FURIN: variants seen among roughly 807,000 people sequenced by gnomAD.
FURIN encodes the protein furin, paired basic amino acid cleaving enzyme.
A neutral mutation model predicts 89.2 loss-of-function variants in FURIN; 18 were observed. The observed-to-expected ratio is 0.20, with a 90% confidence interval of 0.14 to 0.30. FURIN has a LOEUF of 0.30. Among genes scored for constraint, FURIN ranks in the 10% least tolerant of loss-of-function variants. FURIN has a pLI of 1.00. For missense variants in FURIN, 879 were observed against 1,100.5 expected, an observed-to-expected ratio of 0.80 and a Z score of 2.85; for synonymous variants, 508 against 466.4, an observed-to-expected ratio of 1.09 and a Z score of -1.15.
In FURIN at chr15:90,881,741, T is replaced by A. The variant is rs2031990385; in HGVS notation, c.2248T>A (p.Tyr750Asn). Residue 750 changes from tyrosine (Y) to asparagine (N), a missense_variant, in exon 16 of 16, where the codon TAC (tyrosine) becomes AAC (asparagine). Physicochemically the swap from Tyr to Asn is moderately radical, Grantham distance 143. Transcript: ENST00000268171. The surrounding 1 kb of genome is among the most constrained non-coding windows in gnomAD (Gnocchi z 4.3). ...SGFSFRGVKV[Y>N]TMDRGLISYK... is the part of the protein sequence containing the mutation. Reference sequence around the variant, plus strand: ...CTTTAGTTTTCGGGGGGTGAAGGTGTACACCATGGACCGTGGCCTCATCTC... The same window carrying A: ...CTTTAGTTTTCGGGGGGTGAAGGTGAACACCATGGACCGTGGCCTCATCTC... 1.2e-6 allele frequency: 2 copies of A among 1,608,848 alleles called. No individual in the cohort carries two copies. Among genetic ancestry groups the A allele is most frequent in the Non-Finnish European group, 1.7e-6 (2 of 1,177,512 alleles).
chr15:90,872,090 G>A (rs938111285), intron 1 of FURIN, among the ~76,000 whole-genome samples: 6 of 151,478 alleles, frequency 4.0e-5, no homozygotes, highest in African/African-American at 1.5e-4. Context: ...GCCGAGGAGG[G>A]CCTGCGTTCC....
rs982435562 is a variant in FURIN at position 90,882,177 on chromosome 15, G to C, written c.*299G>C. The stretch of plus-strand genomic sequence containing the variant: ...AGCCAGAGTTCCTGCGGAGTGAAGA[G>C]GGGCAGCCCTTGCTTGTTGGGATTC... On this transcript the variant is annotated 3_prime_UTR_variant, in exon 16 of 16. Coordinates refer to ENST00000268171, the MANE Select transcript of FURIN (RefSeq NM_002569.4). The C allele has an allele frequency of 5.2e-6, 2 of 387,874 alleles. No homozygotes were observed. Among genetic ancestry groups the C allele is most frequent in the East Asian group, 5.8e-5 (1 of 17,210 alleles). 24.0% of individuals were successfully genotyped at this position (387,874 alleles called of 1,614,324 possible). A position where few individuals can be genotyped will look rare whatever the true frequency, so the allele number is the denominator to read the frequency against.
Position 90,879,451 on chromosome 15 carries a change from C to G in FURIN, c.1061C>G (p.Thr354Ser), listed in dbSNP as rs1194492886. The G allele has an allele frequency of 1.2e-6, 2 of 1,611,930 alleles. No individual in the cohort carries two copies. Among genetic ancestry groups the G allele is most frequent in the East Asian group, 4.5e-5 (2 of 44,864 alleles). Reference protein sequence around the residue: ...GNQNEKQIVTTDLRQKCTESH... With the variant: ...GNQNEKQIVTSDLRQKCTESH... ...TGATTCTCTTCCTGGCAGGTGACGA[C>G]TGACTTGCGGCAGAAGTGCACGGAG... The change falls in exon 10 of 16, where the codon ACT becomes AGT. Residue 354 changes from threonine (T) to serine (S), a missense_variant. Thr to Ser is a moderately conservative substitution (Grantham distance 58, BLOSUM62 1). Transcript: ENST00000268171.
chr15:90,871,583 T>G (rs2151218538), intron 1 of FURIN: 1 of 2,798 alleles, frequency 3.6e-4, no homozygotes, highest in Non-Finnish European at 9.1e-4. Flanking sequence ...CCTGGAAAAG[T>G]TTCCCCGCCA....
chr15:90,880,209 C>G lies in FURIN; in HGVS notation c.1492C>G (p.Arg498Gly), dbSNP rs1375821051. Residue 498 changes from arginine to glycine, a missense_variant, in exon 13 of 16, where the codon CGT becomes GGT. Arg to Gly is a moderately radical substitution (Grantham distance 125, BLOSUM62 -2). Around this residue, in one of 5 missense-constraint regions of FURIN, gnomAD observed 457 missense variants for 490.7 expected, o/e 0.93. Coordinates refer to ENST00000268171, the MANE Select transcript of FURIN (RefSeq NM_002569.4). ...QARLTLSYNR[R>G]GDLAIHLVSP... ...GCGGCTCACCCTGTCCTATAATCGC[C>G]GTGGCGACCTGGCCATCCACCTGGT... 1 of 1,612,678 alleles carries G rather than the reference C, an allele frequency of 6.2e-7. No individual in the cohort carries two copies. Among genetic ancestry groups the G allele is most frequent in the Admixed American group, 1.7e-5 (1 of 59,988 alleles).
At chr15:90,880,618 T>C in intron 13 of FURIN, 73 bp from the exon 14 acceptor site, 2 of 1,513,944 alleles carry the variant, frequency 1.3e-6, no homozygotes, top group East Asian at 2.3e-5. Flanking sequence ...GTGTGGCCCA[T>C]GTGCTGTGGG....
intron 1 of FURIN, among the ~76,000 whole-genome samples, chr15:90,871,140 C>T (rs1157272604): frequency 6.6e-6 from 1 of 152,162 alleles, no homozygotes; most frequent in Non-Finnish European, 1.5e-5. Flanking sequence ...CGTCCCTGGG[C>T]ACTTAACCCG....
In FURIN at chr15:90,875,734, C is replaced by T. The variant is rs767671386; in HGVS notation, c.-7C>T. Reference sequence around the variant, plus strand: ...GCGCTCCAGGGTCCCAGCCACCTGTCCCCCCCATGGAGCTGAGGCCCTGGT... The same window carrying T: ...GCGCTCCAGGGTCCCAGCCACCTGTTCCCCCCATGGAGCTGAGGCCCTGGT... On this transcript the variant is annotated 5_prime_UTR_variant, in exon 2 of 16. Coordinates refer to ENST00000268171, the MANE Select transcript of FURIN (RefSeq NM_002569.4). The T allele has an allele frequency of 9.2e-6, 14 of 1,528,432 alleles. No homozygotes were observed. Among genetic ancestry groups the T allele is most frequent in the Middle Eastern group, 1.7e-4 (1 of 5,796 alleles). The allele number at this position is 1,528,432 out of a possible 1,614,324, so 94.7% of individuals were successfully genotyped here.
rs557056976 is a variant in FURIN, at chr15:90,868,629, C to A, written c.-242C>A. The A allele has an allele frequency of 1.3e-5, 2 of 152,242 alleles. No individual in the cohort carries two copies. Among genetic ancestry groups the A allele is most frequent in the African/African-American group, 4.8e-5 (2 of 41,446 alleles). The allele number at this position is 152,242 out of a possible 1,614,324, so 9.4% of individuals were successfully genotyped here. A position where few individuals can be genotyped will look rare whatever the true frequency, so the allele number is the denominator to read the frequency against. ...GCCCCGCCCTGTGAAGGGATAGGAG[C>A]CTGACTGTTGCAGCTGCAGTGAGTG... On this transcript the variant is annotated 5_prime_UTR_variant, in exon 1 of 16. Transcript: ENST00000268171.
Position 90,880,145 on chromosome 15 carries a change from C to T in FURIN, c.1428C>T (p.Gly476=), listed in dbSNP as rs764016682. The T allele has an allele frequency of 7.4e-6, 12 of 1,611,472 alleles. No homozygotes were observed. Among genetic ancestry groups the T allele is most frequent in the Admixed American group, 1.7e-5 (1 of 59,936 alleles). Residue 476 remains glycine (G), a synonymous_variant, in exon 13 of 16, where the codon GGC becomes GGT. Transcript: ENST00000268171. ...EVRKTVTACL[G]EPNHITRLEH... is the part of the protein sequence containing the mutation. ...GGAAGACCGTGACCGCGTGCCTGGG[C>T]GAGCCCAACCACATCACTCGGCTGG...
intron 13 of FURIN, 63 bp downstream of exon 13, chr15:90,880,336 CCTT>C: frequency 7.4e-7 from 1 of 1,358,044 alleles, no homozygotes; most frequent in Non-Finnish European, 1.0e-6. Flanking sequence ...CGCGTGCTTG[CCTT>C]TGCTCGCTCA....
rs199554506 is a variant in FURIN at position 90,881,834 on chromosome 15, C to A, written c.2341C>A (p.Arg781=). The change falls in exon 16 of 16, where the codon CGG becomes AGG. Residue 781 remains arginine (R), a synonymous_variant. Transcript: ENST00000268171. The surrounding 1 kb of genome is among the most constrained non-coding windows in gnomAD (Gnocchi z 4.3). ...CPSDSEEDEG[R]GERTAFIKDQ... Reference sequence around the variant, plus strand: ...GTCTGACTCAGAAGAGGACGAGGGCCGGGGCGAGAGGACCGCCTTTATCAA... The same window carrying A: ...GTCTGACTCAGAAGAGGACGAGGGCAGGGGCGAGAGGACCGCCTTTATCAA... The A allele has an allele frequency of 4.3e-6, 7 of 1,613,184 alleles. No homozygotes were observed. The East Asian group carries it at 1.6e-4, about 36-fold the overall frequency.
Position 90,879,527 on chromosome 15 carries a change from T to C in FURIN, c.1137T>C (p.Ala379=), listed in dbSNP as rs1465883458. The C allele has an allele frequency of 1.2e-6, 2 of 1,612,292 alleles. No homozygotes were observed. The highest frequency in any genetic ancestry group is 1.1e-5 in the South Asian group (1 of 91,040). ...CCCCCTTAGCAGCCGGCATCATTGC[T>C]CTCACCCTGGAGGCCAAGTAAGTGG... ...ASAPLAAGII[A]LTLEANKNLT... is the part of the protein sequence containing the mutation. The change falls in exon 10 of 16, where the codon GCT becomes GCC. Residue 379 remains alanine (A), a synonymous_variant. Coordinates refer to ENST00000268171, the MANE Select transcript of FURIN (RefSeq NM_002569.4).
At chr15:90,874,022 T>C (rs2031467769) in intron 1 of FURIN, among the ~76,000 whole-genome samples, 1 of 152,154 alleles carries the variant, frequency 6.6e-6, no homozygotes, top group Admixed American at 6.5e-5. Context: ...GCCTTCCTTT[T>C]GGTATCCGGC....
chr15:90,881,250 G>T lies in FURIN; in HGVS notation c.1793-36G>T. 6.7e-7 allele frequency: 1 copy of T among 1,491,824 alleles called. No homozygotes were observed. The highest frequency in any genetic ancestry group is 9.2e-7 in the Non-Finnish European group (1 of 1,088,370). The allele number at this position is 1,491,824 out of a possible 1,614,324, so 92.4% of individuals were successfully genotyped here. ...TGGTCCTGGGGCTACAGTCTGTTTA[G>T]CTGACACACACTTGCCCTCTCTCCC... is the stretch of plus-strand genomic sequence containing the variant. On this transcript the variant is annotated intron_variant, in intron 15 of 15. Coordinates refer to ENST00000268171, the MANE Select transcript of FURIN (RefSeq NM_002569.4). The surrounding 1 kb of genome is among the most constrained non-coding windows in gnomAD (Gnocchi z 4.3).
At position 90,881,857 on chromosome 15, in the gene FURIN, C is replaced by T. The variant is rs1159282757; in HGVS notation, c.2364C>T (p.Ile788=). The T allele has an allele frequency of 1.9e-6, 3 of 1,612,394 alleles. No homozygotes were observed. The highest frequency in any genetic ancestry group is 2.5e-6 in the Non-Finnish European group (3 of 1,179,718). Residue 788 remains isoleucine (I), a synonymous_variant, in exon 16 of 16, where the codon ATC becomes ATT. Transcript: ENST00000268171. The surrounding 1 kb of genome is among the most constrained non-coding windows in gnomAD (Gnocchi z 4.3). ...DEGRGERTAF[I]KDQSAL ...GCCGGGGCGAGAGGACCGCCTTTAT[C>T]AAAGACCAGAGCGCCCTCTGATGAG...
chr15:90,876,701 C>T lies in FURIN; in HGVS notation c.372+144C>T, dbSNP rs1596076325. The T allele has an allele frequency of 3.7e-6, 3 of 816,392 alleles. No homozygotes were observed. The East Asian group carries it at 8.0e-5, about 22-fold the overall frequency. The allele number at this position is 816,392 out of a possible 1,614,324, so 50.6% of individuals were successfully genotyped here. On this transcript the variant is annotated intron_variant, in intron 4 of 15. Coordinates refer to ENST00000268171, the MANE Select transcript of FURIN (RefSeq NM_002569.4). This position sits in a 1 kb window ranked among gnomAD's most constrained non-coding sequence, Gnocchi z 5.0. The stretch of plus-strand genomic sequence containing the variant: ...GCTGGGCAGTCTCTCCTTGGCCCAT[C>T]CTAATAAGCAAGCCTGGGGGTGGCC...
intron 9 of FURIN, 138 bp downstream of exon 9, chr15:90,879,114 C>G (rs2031798048): frequency 1.6e-6 from 1 of 631,266 alleles, no homozygotes; most frequent in Non-Finnish European, 2.8e-6. Flanking sequence ...AACATGAACT[C>G]TGGGGCTCTG....
Position 90,876,410 on chromosome 15 carries a change from C to A in FURIN, c.277-52C>A. 3 of 1,497,764 alleles carry A rather than the reference C, an allele frequency of 2.0e-6. No individual in the cohort carries two copies. The highest frequency in any genetic ancestry group is 1.4e-5 in the African/African-American group (1 of 72,648). 92.8% of individuals were successfully genotyped at this position (1,497,764 alleles called of 1,614,324 possible). A position where few individuals can be genotyped will look rare whatever the true frequency, so the allele number is the denominator to read the frequency against. On this transcript the variant is annotated intron_variant, in intron 3 of 15. Transcript: ENST00000268171. The surrounding 1 kb of genome is among the most constrained non-coding windows in gnomAD (Gnocchi z 5.0). ...ACCCTCCCCCTCCTGCTCTCAGGAG[C>A]CCCTCTCGCCTCCTGCTCCACCCAC...
Sources: allele counts gnomAD v4.1 joint callset (sites outside exome capture counted in the v4.1 genomes callset), GRCh38; gene constraint gnomAD v4.1.1; regional missense constraint gnomAD v4.1.1; non-coding constraint Gnocchi (gnomAD v3.1); transcripts MANE v1.5; gene names NCBI Gene and HGNC (gene_info 2026-07-23, HGNC 2026-07-21).